Variants in NRAP observed in about 807,000 individuals in gnomAD.
The protein encoded by NRAP is nebulin-related-anchoring protein.
NRAP carries 189 observed loss-of-function variants against 225.9 expected under a neutral mutation model. The ratio of observed to expected loss-of-function variants is 0.84; its 90% CI spans 0.74 to 0.94. NRAP has a LOEUF of 0.94. Ranked by LOEUF, NRAP falls within the 40% of genes least tolerant of loss-of-function variation. NRAP has a pLI of 0.00. For synonymous variants in NRAP, 769 were observed against 790.7 expected (o/e 0.97, Z 0.46); for missense variants, 2,176 against 2,168.7 (o/e 1.00, Z -0.07).
intron 12 of NRAP, 52 bp from the exon 13 acceptor site, chr10:113,641,524 G>A (rs1849202607): frequency 9.5e-7 from 1 of 1,054,706 alleles, no homozygotes; most frequent in South Asian, 1.3e-5. Flanking sequence ...ACAAGTAGTT[G>A]AAGATAAACT....
intron 31 of NRAP, 56 bp downstream of exon 31, chr10:113,610,403 G>T: frequency 3.3e-5 from 25 of 761,420 alleles, no homozygotes; most frequent in Non-Finnish European, 4.8e-5. Flanking sequence ...GAAACAAACT[G>T]ATTATCCTCT....
Position 113,605,868 on chromosome 10 carries a change from G to T in NRAP, c.3809C>A (p.Ala1270Glu), listed in dbSNP as rs1381481381. ...AKTNAANLSD[A>E]RYKESWRNLR... ...ATTACGCCAGGACTCTTTGTATCTT[G>T]CCTAAAGTGGGAACACATGTAAATC... The change falls in exon 34 of 42, where the codon GCA becomes GAA. Residue 1270 changes from alanine (A) to glutamate (E), a missense_variant and splice_region_variant. By Grantham distance (107) the Ala-to-Glu change is moderately radical. Transcript: ENST00000359988. The T allele has an allele frequency of 6.2e-7, 1 of 1,608,034 alleles. No homozygotes were observed. Among genetic ancestry groups the T allele is most frequent in the East Asian group, 2.2e-5 (1 of 44,864 alleles).
chr10:113,610,040 G>GGTAAGA (rs1847227998), intron 31 of NRAP, among the ~76,000 whole-genome samples: 1 of 151,898 alleles, frequency 6.6e-6, no homozygotes, highest in African/African-American at 2.4e-5. Context: ...ACATCCAACT[G>GGTAAGA]GCTTTAGTGG....
At chr10:113,592,101 C>A in intron 39 of NRAP, 93 bp downstream of exon 39, 1 of 631,276 alleles carries the variant, frequency 1.6e-6, no homozygotes, top group Non-Finnish European at 2.7e-6. Context: ...GAGAGATAAT[C>A]TTGACAGGTC....
chr10:113,626,344 A>T lies in NRAP; in HGVS notation c.2146-199T>A, dbSNP rs536160615. Among the ~76,000 whole-genome samples, 891 of 152,314 alleles carry T rather than the reference A, an allele frequency of 5.8e-3. 6 individuals are homozygous for T. Among genetic ancestry groups the T allele is most frequent in the African/African-American group, 0.02 (817 of 41,548 alleles). On this transcript the variant is annotated intron_variant, in intron 20 of 41. Coordinates refer to ENST00000359988, the MANE Select transcript of NRAP (RefSeq NM_198060.4). ...TTCCAGTGAACTTGATTTAGTTGCT[A>T]TTACTGAATGGGAAATGTAATTTTC...
At chr10:113,649,636 G>A (rs891175377) in intron 9 of NRAP, among the ~76,000 whole-genome samples, 28 of 152,104 alleles carry the variant, frequency 1.8e-4, no homozygotes, top group African/African-American at 6.8e-4. Context: ...CTAAGAAAAT[G>A]AGCACCACTA....
At chr10:113,643,148 T>C in intron 11 of NRAP, 110 bp from the exon 12 acceptor site, 3 of 618,196 alleles carry the variant, frequency 4.9e-6, no homozygotes, top group Middle Eastern at 2.6e-4. Flanking sequence ...CCCAAGATTT[T>C]AACATATCAA....
chr10:113,607,049 A>C (rs1264315097), intron 32 of NRAP, among the ~76,000 whole-genome samples: 1 of 152,014 alleles, frequency 6.6e-6, no homozygotes, highest in East Asian at 1.9e-4. Flanking sequence ...CTAAAATACT[A>C]AATTAGCCTG....
intron 20 of NRAP, among the ~76,000 whole-genome samples, chr10:113,627,979 G>A (rs12243696): frequency 0.17 from 25,652 of 152,034 alleles, 2,483 homozygotes; most frequent in Middle Eastern, 0.27. Context: ...GAGATATGCC[G>A]ACTCAGCCTT....
rs575384729 is a variant in NRAP at position 113,592,546 on chromosome 10, C to T, written c.4537-245G>A. 9.9e-5 allele frequency among the ~76,000 whole-genome samples: 14 copies of T among 142,106 alleles called. No individual in the cohort carries two copies. In the South Asian group the frequency reaches 2.4e-3, roughly 25 times the overall value. The allele number at this position is 142,106 out of a possible 152,430, so 93.2% of individuals were successfully genotyped here. A position where few individuals can be genotyped will look rare whatever the true frequency, so the allele number is the denominator to read the frequency against. Reference sequence around the variant, plus strand: ...CTGCTCCTGTGGGGCTTGTGATCTTCGGGTATGGCTCATTTGCGACACCCA... The same window carrying T: ...CTGCTCCTGTGGGGCTTGTGATCTTTGGGTATGGCTCATTTGCGACACCCA... On this transcript the variant is annotated intron_variant, in intron 38 of 41. Coordinates refer to ENST00000359988, the MANE Select transcript of NRAP (RefSeq NM_198060.4).
In NRAP at chr10:113,597,951, G is replaced by A; in HGVS notation, c.4332+18C>T. The A allele has an allele frequency of 6.5e-7, 1 of 1,532,638 alleles. No individual in the cohort carries two copies. Among genetic ancestry groups the A allele is most frequent in the Non-Finnish European group, 9.0e-7 (1 of 1,105,758 alleles). 94.9% of individuals were successfully genotyped at this position (1,532,638 alleles called of 1,614,324 possible). On this transcript the variant is annotated intron_variant, in intron 36 of 41. Transcript: ENST00000359988. Reference sequence around the variant, plus strand: ...TAGCTTGCCCTTGTCACTTGTGGTGGGGACAGGTTGATGGTACCTCGCTGA... The same window carrying A: ...TAGCTTGCCCTTGTCACTTGTGGTGAGGACAGGTTGATGGTACCTCGCTGA...
At chr10:113,606,138 C>T (rs1222102662) in intron 33 of NRAP, 40 bp downstream of exon 33, 2 of 1,425,402 alleles carry the variant, frequency 1.4e-6, no homozygotes, top group South Asian at 2.3e-5. Flanking sequence ...ACATACATGG[C>T]TTTGGAGCAT....
rs576338429 is a variant in NRAP at position 113,624,905 on chromosome 10, T to C, written c.2270A>G (p.Gln757Arg). ...SGVAYKAGNE[Q>R]SVHQYTISKD... is the part of the protein sequence containing the mutation. ...GCTGATGGTATACTGATGGACAGAC[T>C]GCTCATTTCCTGCCTTGTAGGCCAC... Residue 757 changes from glutamine (Q) to arginine (R), a missense_variant, in exon 22 of 42, where the codon CAG becomes CGG. Gln to Arg is a conservative substitution (Grantham distance 43). Transcript: ENST00000359988. 3.7e-6 allele frequency: 6 copies of C among 1,613,972 alleles called. No homozygotes were observed. The African/African-American group carries it at 8.0e-5, about 22-fold the overall frequency.
intron 20 of NRAP, 23 bp from the exon 21 acceptor site, chr10:113,626,168 C>T: frequency 6.4e-7 from 1 of 1,552,020 alleles, no homozygotes; most frequent in Non-Finnish European, 8.8e-7. Context: ...GAAAGGGACC[C>T]CACAGCATTA....
chr10:113,589,526 G>A lies in NRAP; in HGVS notation c.5088+140C>T, dbSNP rs888999351. On this transcript the variant is annotated intron_variant, in intron 41 of 41. Transcript: ENST00000359988. ...TGGTCATCTCAGACCCATGAAATTA[G>A]GCGCCTTGTTTGAGCTGCGTTTCAC... 21 of 970,926 alleles carry A rather than the reference G, an allele frequency of 2.2e-5. No individual in the cohort carries two copies. The African/African-American group carries it at 2.9e-4, about 14-fold the overall frequency. 60.1% of individuals were successfully genotyped at this position (970,926 alleles called of 1,614,324 possible).
intron 14 of NRAP, 35 bp from the exon 15 acceptor site, chr10:113,634,245 C>T: frequency 6.9e-7 from 1 of 1,439,068 alleles, no homozygotes; most frequent in Non-Finnish European, 9.8e-7. Flanking sequence ...ATGTCATTTG[C>T]TCTTTTCTCA....
chr10:113,633,583 G>C (rs1475060983), intron 15 of NRAP, among the ~76,000 whole-genome samples: 1 of 152,136 alleles, frequency 6.6e-6, no homozygotes, highest in Non-Finnish European at 1.5e-5. Flanking sequence ...ACAAAAGACA[G>C]CCAACCAGAT....
rs529627753 is a variant in NRAP at position 113,615,292 on chromosome 10, A to G, written c.3079-346T>C. ...CATAGTGCTTTATGTCAGATAGAGA[A>G]AAGTCAGATGTATCTACCAAAGAAC... On this transcript the variant is annotated intron_variant, in intron 27 of 41. Transcript: ENST00000359988. Among the ~76,000 whole-genome samples the G allele has an allele frequency of 2.6e-5, 4 of 152,292 alleles. No individual in the cohort carries two copies. In the South Asian group the frequency reaches 6.2e-4, roughly 24 times the overall value.
intron 35 of NRAP, among the ~76,000 whole-genome samples, chr10:113,600,215 G>A (rs1846520382): frequency 6.9e-6 from 1 of 144,260 alleles, no homozygotes; most frequent in Admixed American, 6.9e-5. Flanking sequence ...TTGTTACCCA[G>A]GCTGGAGTGC....
Sources: allele counts gnomAD v4.1 joint callset (sites outside exome capture counted in the v4.1 genomes callset), GRCh38; gene constraint gnomAD v4.1.1; transcripts MANE v1.5; gene names NCBI Gene and HGNC (gene_info 2026-07-23, HGNC 2026-07-21).